ASAH2: variants seen among roughly 807,000 people sequenced by gnomAD.
ASAH2 encodes the protein N-acylsphingosine amidohydrolase 2, also known as neutral ceramidase.
A neutral mutation model predicts 82.9 loss-of-function variants in ASAH2; 58 were observed. That is an observed-to-expected ratio of 0.70 (90% CI 0.57 to 0.87). The LOEUF is 0.87. Ranked by LOEUF, ASAH2 falls within the 40% of genes least tolerant of loss-of-function variation. The probability of loss-of-function intolerance (pLI) is 0.00; values close to 1 mark genes in which losing one functional copy is unlikely to be tolerated. For missense variants in ASAH2, 779 were observed against 834.0 expected (o/e 0.93, Z 0.81); for synonymous variants, 276 against 289.7 (o/e 0.95, Z 0.48).
chr10:50,243,231 C>G lies in ASAH2; in HGVS notation c.481G>C (p.Gly161Arg), dbSNP rs761070207. Residue 161 changes from glycine to arginine, a missense_variant, in exon 4 of 21, where the codon GGC becomes CGC. Physicochemically the swap from Gly to Arg is moderately radical, Grantham distance 125. Transcript: ENST00000682911. Reference protein sequence around the residue: ...NRTVFVSIDIGMVSQRLRLEV... With the variant: ...NRTVFVSIDIRMVSQRLRLEV... ...AGCCTGAGCCTTTGTGATACCATGCCTATGTCGATGCTGACAAACACTGTT... is the reference window on the plus strand; with the variant it reads ...AGCCTGAGCCTTTGTGATACCATGCGTATGTCGATGCTGACAAACACTGTT... The G allele has an allele frequency of 2.5e-6, 4 of 1,614,072 alleles. No individual in the cohort carries two copies. The highest frequency in any genetic ancestry group is 3.4e-6 in the Non-Finnish European group (4 of 1,179,958).
chr10:50,200,524 A>G (rs1845114829), intron 16 of ASAH2, among the ~76,000 whole-genome samples: 1 of 152,058 alleles, frequency 6.6e-6, no homozygotes, highest in South Asian at 2.1e-4. Flanking sequence ...CAGATGTTAC[A>G]TCTTCCTGAA....
Position 50,197,092 on chromosome 10 carries a change from C to G in ASAH2, c.1858-173G>C, listed in dbSNP as rs1195514091. Among the ~76,000 whole-genome samples the G allele has an allele frequency of 3.4e-5, 5 of 148,316 alleles. No individual in the cohort carries two copies. In the South Asian group the frequency reaches 6.7e-4, roughly 20 times the overall value. On this transcript the variant is annotated intron_variant, in intron 17 of 20. Transcript: ENST00000682911. The stretch of plus-strand genomic sequence containing the variant: ...GAAGGTAGCCTTGCTAAGCATGAGC[C>G]TAGAAATTCATAATTTAAACTCTTG...
intron 7 of ASAH2, among the ~76,000 whole-genome samples, chr10:50,223,805 G>A (rs1243622843): frequency 6.6e-6 from 1 of 152,176 alleles, no homozygotes; most frequent in Non-Finnish European, 1.5e-5. Flanking sequence ...GAGAAACCCA[G>A]AGACATAGAG....
Position 50,187,300 on chromosome 10 carries a change from T to G in ASAH2, c.*15A>C, listed in dbSNP as rs1426361274. The G allele has an allele frequency of 6.1e-6, 1 of 162,780 alleles. No homozygotes were observed. Among genetic ancestry groups the G allele is most frequent in the East Asian group, 1.1e-4 (1 of 8,944 alleles). 10.1% of individuals were successfully genotyped at this position (162,780 alleles called of 1,614,324 possible). ...GAGAGTAAAGCTGTTCTTTAAATGA[T>G]CTATCAACTTTTCACTAAATAGTTA... On this transcript the variant is annotated 3_prime_UTR_variant, in exon 21 of 21. Transcript: ENST00000682911.
intron 13 of ASAH2, among the ~76,000 whole-genome samples, chr10:50,205,303 C>T (rs940078121): frequency 3.3e-5 from 5 of 152,030 alleles, no homozygotes; most frequent in Admixed American, 2.0e-4. Flanking sequence ...TTATTATAAT[C>T]GCACTTTAAG....
chr10:50,210,674 C>A, intron 12 of ASAH2, 149 bp downstream of exon 12: 1 of 760,570 alleles, frequency 1.3e-6, no homozygotes, highest in Non-Finnish European at 2.3e-6. Flanking sequence ...GCAGCGGGTG[C>A]GGTACATGGT....
At chr10:50,205,960 T>C (rs928039796) in intron 13 of ASAH2, 22 bp downstream of exon 13, 10 of 1,546,312 alleles carry the variant, frequency 6.5e-6, no homozygotes, top group Non-Finnish European at 8.0e-6. Context: ...CTAATTTCAC[T>C]ATGATAACGA....
At position 50,205,988 on chromosome 10, in the gene ASAH2, G is replaced by T. The variant is rs1055317968; in HGVS notation, c.1524C>A (p.Thr508=). The change falls in exon 13 of 21, where the codon ACC becomes ACA. Residue 508 remains threonine, a synonymous_variant. Transcript: ENST00000682911. The stretch of plus-strand genomic sequence containing the variant: ...GATAACGAAAATGCATTACTTCTCC[G>T]GTGTGAAGAAGGATGGGCTTTGGTT... ...CHKPKPILLH[T]GELSKPHPWH... The T allele has an allele frequency of 1.2e-6, 2 of 1,605,332 alleles. No individual in the cohort carries two copies. The highest frequency in any genetic ancestry group is 2.2e-5 in the South Asian group (2 of 90,888).
chr10:50,231,350 C>T (rs1464786438), intron 7 of ASAH2, among the ~76,000 whole-genome samples: 3 of 152,106 alleles, frequency 2.0e-5, no homozygotes, highest in Non-Finnish European at 4.4e-5. Context: ...CGTGAGAAAT[C>T]CCATGACTCC....
At chr10:50,224,580 C>G (rs1480275438) in intron 7 of ASAH2, among the ~76,000 whole-genome samples, 118 of 152,274 alleles carry the variant, frequency 7.7e-4, no homozygotes, top group African/African-American at 2.8e-3. Flanking sequence ...TTCCCAGTCT[C>G]ATTTGCAAGG....
chr10:50,242,216 G>T (rs1408556539), intron 4 of ASAH2, among the ~76,000 whole-genome samples: 1 of 152,094 alleles, frequency 6.6e-6, no homozygotes, highest in African/African-American at 2.4e-5. Context: ...GAGTGCAGAA[G>T]TGGGGAAAAC....
intron 10 of ASAH2, 22 bp from the exon 11 acceptor site, chr10:50,211,156 T>C (rs547402222): frequency 3.2e-6 from 5 of 1,567,060 alleles, no homozygotes; most frequent in Middle Eastern, 1.7e-4. Flanking sequence ...ACAGGCTTAT[T>C]ATTCCAAGCA....
intron 8 of ASAH2, among the ~76,000 whole-genome samples, chr10:50,215,862 G>A (rs545677147): frequency 8.5e-5 from 13 of 152,162 alleles, no homozygotes; most frequent in East Asian, 1.9e-4. Context: ...ACATGTACAC[G>A]TATGTTTATT....
intron 7 of ASAH2, among the ~76,000 whole-genome samples, chr10:50,232,161 TA>T (rs1222279852): frequency 6.6e-6 from 1 of 152,174 alleles, no homozygotes; most frequent in Non-Finnish European, 1.5e-5. Context: ...TCATAGTTTT[TA>T]ATGTTTTTCT....
Position 50,204,843 on chromosome 10 carries a change from A to G in ASAH2, c.1625+18T>C. ...CAACAAACACATTTTTAACTAAGTAATAAAAAGAAAAACTTACGTAAACTC... is the reference window on the plus strand; with the variant it reads ...CAACAAACACATTTTTAACTAAGTAGTAAAAAGAAAAACTTACGTAAACTC... On this transcript the variant is annotated intron_variant, in intron 14 of 20. Coordinates refer to ENST00000682911, the MANE Select transcript of ASAH2 (RefSeq NM_019893.4). 2 of 1,559,598 alleles carry G rather than the reference A, an allele frequency of 1.3e-6. No homozygotes were observed. Among genetic ancestry groups the G allele is most frequent in the Non-Finnish European group, 1.8e-6 (2 of 1,135,494 alleles).
intron 3 of ASAH2, 58 bp downstream of exon 3, chr10:50,245,164 G>T: frequency 1.4e-6 from 2 of 1,380,528 alleles, no homozygotes; most frequent in Non-Finnish European, 2.0e-6. Context: ...AATGCAGGTT[G>T]TAAAATAATA....
intron 5 of ASAH2, among the ~76,000 whole-genome samples, 185 bp from the exon 6 acceptor site, chr10:50,234,737 C>T (rs1846110660): frequency 6.6e-6 from 1 of 151,988 alleles, no homozygotes; most frequent in African/African-American, 2.4e-5. Flanking sequence ...AAATGGCTTT[C>T]AAGGTTGAGA....
Position 50,233,205 on chromosome 10 carries a change from C to G in ASAH2, c.872G>C (p.Gly291Ala). 1 of 1,611,366 alleles carries G rather than the reference C, an allele frequency of 6.2e-7. No individual in the cohort carries two copies. Among genetic ancestry groups the G allele is most frequent in the Non-Finnish European group, 8.5e-7 (1 of 1,177,742 alleles). Residue 291 changes from glycine (G) to alanine (A), a missense_variant, in exon 7 of 21, where the codon GGA becomes GCA. Gly to Ala is a moderately conservative substitution (Grantham distance 60). Coordinates refer to ENST00000682911, the MANE Select transcript of ASAH2 (RefSeq NM_019893.4). ...MIVLKMVDLN[G>A]DDLGLISWFA... is the part of the protein sequence containing the mutation. ...GTACCTGATAAGGCCCAAGTCATCT[C>G]CATTCAAATCTACCATTTTCAAAAC...
Position 50,202,897 on chromosome 10 carries a change from T to C in ASAH2, c.1693A>G (p.Met565Val). The change falls in exon 16 of 21, where the codon ATG becomes GTG. Residue 565 changes from methionine (M) to valine (V), a missense_variant. Met to Val is a conservative substitution (Grantham distance 21, BLOSUM62 1). Coordinates refer to ENST00000682911, the MANE Select transcript of ASAH2 (RefSeq NM_019893.4). ...AEFASHGMQN[M>V]TVVISGLCNV... ...CATAGACCTGAAATAACAACAGTCA[T>C]GTTCTGCATCCCATGAGATGCAAAT... 8 of 1,611,714 alleles carry C rather than the reference T, an allele frequency of 5.0e-6. No homozygotes were observed. The South Asian group carries it at 7.7e-5, about 15-fold the overall frequency.
Sources: allele counts gnomAD v4.1 joint callset (sites outside exome capture counted in the v4.1 genomes callset), GRCh38; gene constraint gnomAD v4.1.1; transcripts MANE v1.5; gene names NCBI Gene and HGNC (gene_info 2026-07-23, HGNC 2026-07-21).